MED20: variants seen among roughly 807,000 people sequenced by gnomAD.
The protein encoded by MED20 is mediator complex subunit 20, also known as mediator of RNA polymerase II transcription subunit 20.
In MED20, 19 loss-of-function variants were observed where a neutral mutation model predicts 19.7. The observed-to-expected ratio is 0.96, with a 90% CI of 0.67 to 1.42. The LOEUF (loss-of-function observed/expected upper bound fraction) is 1.42, where lower values mean the gene tolerates loss of function less well. Ranked by LOEUF, MED20 falls within the 40% of genes most tolerant of loss-of-function variation. The pLI is 0.00. For synonymous variants in MED20, 105 were observed against 104.8 expected (o/e 1.00, Z -0.01); for missense variants, 225 against 273.0 (o/e 0.82, Z 1.24).
chr6:41,909,349 T>C lies in MED20; in HGVS notation c.343A>G (p.Thr115Ala). ...AGGAAGTCACAGTACTGGTACCTGG[T>C]GCCCCGGGTCTCAATCTTGCTGGCC... ...AKASKIETRG[T>A]RYQYCDFLVK... is the part of the protein sequence containing the mutation. Residue 115 changes from threonine (T) to alanine (A), a missense_variant, in exon 3 of 4, where the codon ACC (threonine) becomes GCC (alanine). Transcript: ENST00000265350. The C allele has an allele frequency of 6.2e-7, 1 of 1,614,138 alleles. No individual in the cohort carries two copies. The highest frequency in any genetic ancestry group is 8.5e-7 in the Non-Finnish European group (1 of 1,180,030).
chr6:41,917,768 T>C, intron 1 of MED20: 3 of 471,332 alleles, frequency 6.4e-6, no homozygotes, highest in Non-Finnish European at 4.4e-6. Flanking sequence ...AAGGGAAAAG[T>C]CTCCGTTTGG....
chr6:41,906,330 AAGAC>A lies in MED20; in HGVS notation c.*738_*741del. On this transcript the variant is annotated 3_prime_UTR_variant, in exon 4 of 4. Transcript: ENST00000265350. ...GAAAACATACTGGGAATGGCTGAAT[AAGAC>A]AGAAGGAAACAAAGTTCCTGATAAC... is the stretch of plus-strand genomic sequence containing the variant. 6.6e-6 allele frequency: 1 copy of A among 152,324 alleles called. No homozygotes were observed. Among genetic ancestry groups the A allele is most frequent in the East Asian group, 1.9e-4 (1 of 5,190 alleles). 9.4% of individuals were successfully genotyped at this position (152,324 alleles called of 1,614,324 possible). A position where few individuals can be genotyped will look rare whatever the true frequency, so the allele number is the denominator to read the frequency against.
intron 1 of MED20, among the ~76,000 whole-genome samples, chr6:41,918,449 A>G (rs1775371963): frequency 6.6e-6 from 1 of 151,334 alleles, no homozygotes; most frequent in Non-Finnish European, 1.5e-5. Context: ...GGTTGCAGTG[A>G]GCCAAGATCG....
chr6:41,918,018 A>C (rs1235754555), intron 1 of MED20: 6 of 271,590 alleles, frequency 2.2e-5, no homozygotes, highest in Admixed American at 9.1e-5. Flanking sequence ...AACAAAACAA[A>C]AAAAAAACGT....
At chr6:41,916,439 C>T (rs999761183) in intron 2 of MED20, among the ~76,000 whole-genome samples, 48 of 151,966 alleles carry the variant, frequency 3.2e-4, no homozygotes, top group African/African-American at 1.1e-3. Context: ...ATTAGCCGGG[C>T]TTGGTGGTGC....
At chr6:41,920,165 T>C (rs1453740349) in intron 1 of MED20, among the ~76,000 whole-genome samples, 1 of 152,096 alleles carries the variant, frequency 6.6e-6, no homozygotes, top group Non-Finnish European at 1.5e-5. Context: ...ATATGAAAGA[T>C]AAAAACTCCA....
chr6:41,917,112 A>T (rs962462943), intron 1 of MED20, among the ~76,000 whole-genome samples, 173 bp from the exon 2 acceptor site: 9 of 152,018 alleles, frequency 5.9e-5, no homozygotes, highest in Admixed American at 1.3e-4. Context: ...ATTAAAAAAA[A>T]TTTTTTTGGC....
intron 1 of MED20, among the ~76,000 whole-genome samples, chr6:41,919,981 C>G (rs1775418079): frequency 6.6e-6 from 1 of 152,186 alleles, no homozygotes; most frequent in African/African-American, 2.4e-5. Context: ...AAGCCTATAT[C>G]CACTGGCTTC....
chr6:41,915,355 A>G (rs1201730869), intron 2 of MED20, among the ~76,000 whole-genome samples: 2 of 152,150 alleles, frequency 1.3e-5, no homozygotes, highest in African/African-American at 4.8e-5. Context: ...TCAGCCAGGC[A>G]TGGTGGCACA....
In MED20 at chr6:41,909,346, T is replaced by C. The variant is rs1775132799; in HGVS notation, c.346A>G (p.Arg116Gly). ...KASKIETRGT[R>G]YQYCDFLVKV... ...ACCAGGAAGTCACAGTACTGGTACC[T>C]GGTGCCCCGGGTCTCAATCTTGCTG... Residue 116 changes from arginine (R) to glycine (G), a missense_variant, in exon 3 of 4, where the codon AGG (arginine) becomes GGG (glycine). Arg to Gly is a moderately radical substitution (Grantham distance 125). Transcript: ENST00000265350. 1 of 1,614,066 alleles carries C rather than the reference T, an allele frequency of 6.2e-7. No individual in the cohort carries two copies. The highest frequency in any genetic ancestry group is 8.5e-7 in the Non-Finnish European group (1 of 1,180,032).
intron 2 of MED20, among the ~76,000 whole-genome samples, chr6:41,913,398 G>A (rs1775244089): frequency 6.6e-6 from 1 of 152,130 alleles, no homozygotes; most frequent in Non-Finnish European, 1.5e-5. Flanking sequence ...GAAAGTGAGG[G>A]CCTGCTCAGC....
At chr6:41,919,887 G>A (rs1364153618) in intron 1 of MED20, among the ~76,000 whole-genome samples, 2 of 152,198 alleles carry the variant, frequency 1.3e-5, no homozygotes, top group Non-Finnish European at 2.9e-5. Context: ...ATCGTAGGAA[G>A]CAAGAGTGCA....
At chr6:41,917,723 A>G in intron 1 of MED20, 1 of 469,520 alleles carries the variant, frequency 2.1e-6, no homozygotes, top group Non-Finnish European at 4.4e-6. Flanking sequence ...TGAAAAAGGG[A>G]TTCCTTTTGC....
intron 1 of MED20, chr6:41,920,731 AC>A: frequency 2.6e-6 from 1 of 380,244 alleles, no homozygotes. Flanking sequence ...AGATCGCTCC[AC>A]TGCACTCCAG....
chr6:41,906,988 TG>T lies in MED20; in HGVS notation c.*83del. On this transcript the variant is annotated 3_prime_UTR_variant, in exon 4 of 4. Coordinates refer to ENST00000265350, the MANE Select transcript of MED20 (RefSeq NM_004275.5). Reference sequence around the variant, plus strand: ...AGAGTCCATGTCTACCCTGGGTTTCTGGGGTCCAGGGACCTGAAAGTCAGCA... The same window carrying T: ...AGAGTCCATGTCTACCCTGGGTTTCTGGGTCCAGGGACCTGAAAGTCAGCA... The T allele has an allele frequency of 7.9e-7, 1 of 1,272,014 alleles. No individual in the cohort carries two copies. Among genetic ancestry groups the T allele is most frequent in the Non-Finnish European group, 1.1e-6 (1 of 893,042 alleles). 78.8% of individuals were successfully genotyped at this position (1,272,014 alleles called of 1,614,324 possible). A position where few individuals can be genotyped will look rare whatever the true frequency, so the allele number is the denominator to read the frequency against.
At chr6:41,912,768 T>C (rs899570859) in intron 2 of MED20, among the ~76,000 whole-genome samples, 1 of 152,082 alleles carries the variant, frequency 6.6e-6, no homozygotes, top group African/African-American at 2.4e-5. Context: ...ATGAAGCCAA[T>C]TGGATCCCAG....
At chr6:41,917,962 G>C in intron 1 of MED20, 1 of 290,022 alleles carries the variant, frequency 3.4e-6, no homozygotes, top group Non-Finnish European at 7.7e-6. Flanking sequence ...ATAATCTTTG[G>C]GAATGAGAGG....
chr6:41,909,060 G>A lies in MED20; in HGVS notation c.423+209C>T, dbSNP rs1249853991. The A allele has an allele frequency of 1.4e-5, 9 of 627,452 alleles. No individual in the cohort carries two copies. The Admixed American group carries it at 2.7e-4, about 19-fold the overall frequency. 38.9% of individuals were successfully genotyped at this position (627,452 alleles called of 1,614,324 possible). A position where few individuals can be genotyped will look rare whatever the true frequency, so the allele number is the denominator to read the frequency against. ...ATTTAATTCGGTGGGTGTAGTCCCAGGTACTTGGGAGACTGAGGCGGAAGG... is the reference window on the plus strand; with the variant it reads ...ATTTAATTCGGTGGGTGTAGTCCCAAGTACTTGGGAGACTGAGGCGGAAGG... On this transcript the variant is annotated intron_variant, in intron 3 of 3. Coordinates refer to ENST00000265350, the MANE Select transcript of MED20 (RefSeq NM_004275.5).
chr6:41,909,757 G>A (rs1467669923), intron 2 of MED20, among the ~76,000 whole-genome samples: 1 of 152,134 alleles, frequency 6.6e-6, no homozygotes, highest in African/African-American at 2.4e-5. Context: ...AAACAGTGAG[G>A]GGCACACAGG....
Sources: allele counts gnomAD v4.1 joint callset (sites outside exome capture counted in the v4.1 genomes callset), GRCh38; gene constraint gnomAD v4.1.1; transcripts MANE v1.5; gene names NCBI Gene and HGNC (gene_info 2026-07-23, HGNC 2026-07-21).